Variants in CALN1 observed in about 807,000 individuals in gnomAD.
The protein encoded by CALN1 is calneuron 1.
A neutral mutation model predicts 30.6 loss-of-function variants in CALN1; 17 were observed. The ratio of observed to expected loss-of-function variants is 0.56; its 90% CI spans 0.38 to 0.83. The LOEUF is 0.83. Ranked by LOEUF, CALN1 falls within the 40% of genes least tolerant of loss-of-function variation. The pLI is 0.00. For missense variants in CALN1, 291 were observed against 354.9 expected, an observed-to-expected ratio of 0.82 and a Z score of 1.45; for synonymous variants, 156 against 131.4, an observed-to-expected ratio of 1.19 and a Z score of -1.28.
chr7:71,831,068 G>A (rs1354344673), intron 5 of CALN1, among the ~76,000 whole-genome samples: 4 of 152,114 alleles, frequency 2.6e-5, no homozygotes, highest in Non-Finnish European at 4.4e-5. Context: ...CCGAGTTCAG[G>A]AGCTAATGGA....
chr7:71,968,588 G>C (rs1797640309), intron 5 of CALN1, among the ~76,000 whole-genome samples: 1 of 151,966 alleles, frequency 6.6e-6, no homozygotes, highest in Non-Finnish European at 1.5e-5. Context: ...CACCATGCTG[G>C]CCAGGCTGGT....
intron 3 of CALN1, among the ~76,000 whole-genome samples, chr7:72,106,706 G>GGGAGGGAGGAAGGA (rs1807152437): frequency 6.6e-4 from 10 of 15,208 alleles, no homozygotes; most frequent in African/African-American, 2.6e-3. Flanking sequence ...GGGAGGAAGG[G>GGGAGGGAGGAAGGA]AGGGAGGGAG....
intron 3 of CALN1, among the ~76,000 whole-genome samples, chr7:72,111,337 G>T (rs932701285): frequency 6.6e-6 from 1 of 152,220 alleles, no homozygotes; most frequent in African/African-American, 2.4e-5. Context: ...CAAAGTTGGC[G>T]TTCCCACAGG....
rs34011098 is a variant in CALN1, at chr7:72,045,996, C to CAAAAA, written c.389-22232_389-22228dup. On this transcript the variant is annotated intron_variant, in intron 4 of 6. Coordinates refer to ENST00000395275, the MANE Select transcript of CALN1 (RefSeq NM_031468.4). ...CCTGGGCAACAGCGAGACTCCCTCT[C>CAAAAA]AAAAAAAAAAAAAAAAAAAAGGATT... is the stretch of plus-strand genomic sequence containing the variant. Among the ~76,000 whole-genome samples the CAAAAA allele has an allele frequency of 2.0e-3, 184 of 90,722 alleles. 4 individuals are homozygous for CAAAAA. Among genetic ancestry groups the CAAAAA allele is most frequent in the African/African-American group, 7.2e-3 (175 of 24,370 alleles). 59.5% of individuals were successfully genotyped at this position (90,722 alleles called of 152,430 possible). A position where few individuals can be genotyped will look rare whatever the true frequency, so the allele number is the denominator to read the frequency against.
chr7:71,836,177 G>A lies in CALN1; in HGVS notation c.502-25685C>T, dbSNP rs140414946. ...CAGCTGAGCCCAGCCTGGATCAACC[G>A]GGTCTCCGCCTACCTGCGGATCCTG... is the stretch of plus-strand genomic sequence containing the variant. On this transcript the variant is annotated intron_variant, in intron 5 of 6. Coordinates refer to ENST00000395275, the MANE Select transcript of CALN1 (RefSeq NM_031468.4). 3.7e-3 allele frequency among the ~76,000 whole-genome samples: 569 copies of A among 152,280 alleles called. 2 individuals carry two copies. The highest frequency in any genetic ancestry group is 0.013 in the African/African-American group (532 of 41,556).
intron 6 of CALN1, among the ~76,000 whole-genome samples, chr7:71,805,676 C>T (rs1787564063): frequency 6.6e-6 from 1 of 152,132 alleles, no homozygotes; most frequent in Admixed American, 6.5e-5. Flanking sequence ...TTCCAACTTG[C>T]TTCCTCATAG....
intron 2 of CALN1, among the ~76,000 whole-genome samples, chr7:72,376,038 G>A (rs1229539581): frequency 1.3e-5 from 2 of 152,024 alleles, no homozygotes; most frequent in African/African-American, 4.8e-5. Context: ...TCTTTGCCTA[G>A]CATAATGTTT....
At chr7:72,453,017 C>T in the CALN1 span, among the ~76,000 whole-genome samples, 1 of 152,192 alleles carries the variant, frequency 6.6e-6, no homozygotes, top group African/African-American at 2.4e-5. Context: ...TGGCTCAAGC[C>T]TCCAGCAAGC....
chr7:72,036,920 CCT>C (rs1197997546), intron 4 of CALN1, among the ~76,000 whole-genome samples: 1 of 151,780 alleles, frequency 6.6e-6, no homozygotes, highest in Non-Finnish European at 1.5e-5. Flanking sequence ...CAGATTCTCC[CCT>C]CTCCCAAGGA....
chr7:72,081,442 GT>G (rs201808300), intron 4 of CALN1, among the ~76,000 whole-genome samples: 2 of 27,048 alleles, frequency 7.4e-5, no homozygotes, highest in Non-Finnish European at 1.4e-4. Context: ...TGGTGTGTGT[GT>G]TTTTTTTCTT....
At chr7:72,368,768 ATTTCTGCTGATT>A (rs1804033274) in intron 2 of CALN1, among the ~76,000 whole-genome samples, 1 of 150,606 alleles carries the variant, frequency 6.6e-6, no homozygotes, top group Non-Finnish European at 1.5e-5. Context: ...TCCTAGTGAA[ATTTCTGCTGATT>A]TCACCATCAC....
chr7:72,347,028 G>A lies in CALN1; in HGVS notation c.119+56223C>T, dbSNP rs146696587. Among the ~76,000 whole-genome samples, 1,283 of 152,150 alleles carry A rather than the reference G, an allele frequency of 8.4e-3. 34 individuals are homozygous for A. The highest frequency in any genetic ancestry group is 6.8e-3 in the Non-Finnish European group (465 of 68,000). On this transcript the variant is annotated intron_variant, in intron 2 of 6. Transcript: ENST00000395275. ...GAGTAAGAGAGGATTAGAGCACAGC[G>A]AATTGTCAAACATGTAACTGAAGTT...
At position 72,205,568 on chromosome 7, in the gene CALN1, G is replaced by GTATA. The variant is rs1253422246; in HGVS notation, c.244+73114_244+73117dup. On this transcript the variant is annotated intron_variant, in intron 3 of 6. Coordinates refer to ENST00000395275, the MANE Select transcript of CALN1 (RefSeq NM_031468.4). ...AAAAAAAAAATATATATATATATAT[G>GTATA]TATATATATATATATATATTCAGGA... Among the ~76,000 whole-genome samples the GTATA allele has an allele frequency of 7.2e-4, 66 of 91,800 alleles. 9 individuals carry two copies. Among genetic ancestry groups the GTATA allele is most frequent in the Admixed American group, 2.0e-3 (15 of 7,580 alleles). The allele number at this position is 91,800 out of a possible 152,430, so 60.2% of individuals were successfully genotyped here. A position where few individuals can be genotyped will look rare whatever the true frequency, so the allele number is the denominator to read the frequency against.
At chr7:72,261,475 G>A (rs1232517) in intron 3 of CALN1, among the ~76,000 whole-genome samples, 1 of 151,604 alleles carries the variant, frequency 6.6e-6, no homozygotes, top group South Asian at 2.1e-4. Context: ...CTGGAGTGCA[G>A]TGGCTGGAGT....
intron 2 of CALN1, among the ~76,000 whole-genome samples, chr7:72,375,791 T>C (rs1804521923): frequency 6.6e-6 from 1 of 152,134 alleles, no homozygotes; most frequent in Admixed American, 6.5e-5. Flanking sequence ...CTAAAATATA[T>C]AATTTTACTT....
At chr7:72,371,911 C>A (rs559373744) in intron 2 of CALN1, among the ~76,000 whole-genome samples, 2 of 152,116 alleles carry the variant, frequency 1.3e-5, no homozygotes, top group Non-Finnish European at 2.9e-5. Context: ...AGCAGCTATT[C>A]GAGAACTCTG....
intron 6 of CALN1, among the ~76,000 whole-genome samples, chr7:71,798,055 G>C (rs1562787650): frequency 1.3e-5 from 2 of 149,832 alleles, no homozygotes; most frequent in East Asian, 2.0e-4. Context: ...AGGCAAGAGA[G>C]AGAGACAGAG....
the CALN1 span, among the ~76,000 whole-genome samples, chr7:72,466,617 C>G: frequency 1.3e-5 from 2 of 152,080 alleles, no homozygotes; most frequent in Admixed American, 1.3e-4. Context: ...GTGGTGGGCA[C>G]TTGTAATCCC....
intron 5 of CALN1, among the ~76,000 whole-genome samples, chr7:72,002,385 A>G (rs1799568940): frequency 6.6e-6 from 1 of 152,220 alleles, no homozygotes; most frequent in South Asian, 2.1e-4. Context: ...ACCATCTCAT[A>G]TAATTTATTA....
Sources: allele counts gnomAD v4.1 joint callset (sites outside exome capture counted in the v4.1 genomes callset), GRCh38; gene constraint gnomAD v4.1.1; transcripts MANE v1.5; gene names NCBI Gene and HGNC (gene_info 2026-07-23, HGNC 2026-07-21).